IL1RAPL2: variants seen among roughly 807,000 people sequenced by gnomAD.
IL1RAPL2 encodes X-linked interleukin-1 receptor accessory protein-like 2.
Under a neutral mutation model 44.1 loss-of-function variants are expected in IL1RAPL2, and 3 were observed. The observed-to-expected ratio is 0.07, with a 90% CI of 0.03 to 0.18. IL1RAPL2 has a LOEUF of 0.18. IL1RAPL2 is among the 10% of genes least tolerant of loss of function. IL1RAPL2 has a pLI of 1.00. For missense variants in IL1RAPL2, 391 were observed against 496.4 expected, an observed-to-expected ratio of 0.79 and a Z score of 2.02; for synonymous variants, 181 against 178.8, an observed-to-expected ratio of 1.01 and a Z score of -0.10.
intron 5 of IL1RAPL2, among the ~76,000 whole-genome samples, chrX:105,468,059 T>C (rs941847561): frequency 3.6e-5 from 4 of 111,817 alleles, no homozygotes; most frequent in African/African-American, 1.3e-4. Context: ...CCGAAAGATG[T>C]AGAATGGTTG....
chrX:104,642,425 G>C (rs1028574018), intron 1 of IL1RAPL2, among the ~76,000 whole-genome samples: 1 of 111,318 alleles, frequency 9.0e-6, no homozygotes, highest in Non-Finnish European at 1.9e-5. Context: ...TTCAACTTTG[G>C]TAGTGTAAGT....
chrX:104,950,625 T>G (rs1925547591), intron 2 of IL1RAPL2, among the ~76,000 whole-genome samples: 2 of 112,836 alleles, frequency 1.8e-5, no homozygotes, highest in Admixed American at 9.3e-5. Context: ...TGAGCGATAC[T>G]CCGTGGGCGT....
At chrX:104,637,152 T>C (rs1160344906) in intron 1 of IL1RAPL2, among the ~76,000 whole-genome samples, 1 of 110,635 alleles carries the variant, frequency 9.0e-6, no homozygotes, top group East Asian at 2.8e-4. Flanking sequence ...TATAGAAACA[T>C]TGCTGATTTT....
intron 2 of IL1RAPL2, among the ~76,000 whole-genome samples, chrX:104,734,752 A>G (rs1415160921): frequency 1.8e-5 from 2 of 111,656 alleles, no homozygotes; most frequent in African/African-American, 6.5e-5. Context: ...AAATTCATAG[A>G]ACTATATAAC....
chrX:104,606,271 C>G (rs752647379), intron 1 of IL1RAPL2, among the ~76,000 whole-genome samples: 5 of 111,582 alleles, frequency 4.5e-5, no homozygotes, highest in Non-Finnish European at 9.4e-5. Flanking sequence ...ATTCAACACC[C>G]CTTCATGCTA....
At chrX:105,498,138 C>A (rs1414448133) in intron 6 of IL1RAPL2, among the ~76,000 whole-genome samples, 1 of 111,856 alleles carries the variant, frequency 8.9e-6, no homozygotes, top group Non-Finnish European at 1.9e-5. Context: ...ATGGCATAAT[C>A]TTGTAGGTAG....
chrX:104,809,658 T>A (rs1163635868), intron 2 of IL1RAPL2, among the ~76,000 whole-genome samples: 1 of 109,640 alleles, frequency 9.1e-6, no homozygotes, highest in Non-Finnish European at 1.9e-5. Flanking sequence ...GTTGCGAAAA[T>A]TTTCTCCCAT....
intron 2 of IL1RAPL2, among the ~76,000 whole-genome samples, chrX:105,166,902 G>A (rs1305204237): frequency 1.8e-5 from 2 of 112,271 alleles, no homozygotes; most frequent in African/African-American, 3.2e-5. Context: ...GTGGGGAAAA[G>A]CCATCAATTT....
intron 1 of IL1RAPL2, among the ~76,000 whole-genome samples, chrX:104,635,929 G>A (rs776547237): frequency 7.7e-4 from 86 of 111,856 alleles, no homozygotes; most frequent in Non-Finnish European, 1.4e-3. Context: ...CTGATTTTTA[G>A]AGTTTCCAGT....
chrX:104,735,212 C>T (rs1038322531), intron 2 of IL1RAPL2, among the ~76,000 whole-genome samples: 14 of 111,278 alleles, frequency 1.3e-4, no homozygotes, highest in African/African-American at 3.3e-4. Flanking sequence ...TAAGGTGGCT[C>T]TCAATGGAAA....
chrX:105,293,337 A>G (rs1378857926), intron 5 of IL1RAPL2, among the ~76,000 whole-genome samples: 1 of 111,978 alleles, frequency 8.9e-6, no homozygotes, highest in Non-Finnish European at 1.9e-5. Context: ...CATATCAGTA[A>G]TGATAGATAT....
At chrX:105,414,026 T>G (rs1227484561) in intron 5 of IL1RAPL2, among the ~76,000 whole-genome samples, 1 of 112,858 alleles carries the variant, frequency 8.9e-6, no homozygotes, top group African/African-American at 3.2e-5. Flanking sequence ...TGTTTCATGT[T>G]ACTTTTAAAA....
At chrX:104,577,137 GT>G (rs990681144) in intron 1 of IL1RAPL2, among the ~76,000 whole-genome samples, 3 of 111,853 alleles carry the variant, frequency 2.7e-5, no homozygotes, top group Non-Finnish European at 5.6e-5. Flanking sequence ...ATTCCCTAGT[GT>G]TTTGTTCAAA....
chrX:104,764,187 T>C (rs1310592757), intron 2 of IL1RAPL2, among the ~76,000 whole-genome samples: 2 of 95,118 alleles, frequency 2.1e-5, no homozygotes, highest in African/African-American at 7.1e-5. Context: ...TTTTCCAATC[T>C]ATGAACATGG....
intron 4 of IL1RAPL2, among the ~76,000 whole-genome samples, chrX:105,254,819 C>G (rs1430314392): frequency 8.9e-6 from 1 of 111,765 alleles, no homozygotes; most frequent in Non-Finnish European, 1.9e-5. Context: ...GAGTCTTTTC[C>G]CCATTGCTTG....
chrX:105,621,809 G>A (rs1056216601), intron 6 of IL1RAPL2, among the ~76,000 whole-genome samples: 2 of 111,233 alleles, frequency 1.8e-5, no homozygotes, highest in Non-Finnish European at 3.8e-5. Flanking sequence ...TTTCCCCAGA[G>A]AGGAGAAAGC....
rs779926158 is a variant in IL1RAPL2 at position 104,948,877 on chromosome X, C to G, written c.83-246598C>G. ...TCATCAAGGATATTGGTCTCAAATT[C>G]TCTTTTTTGGTTGTGTCTCTGCCTG... On this transcript the variant is annotated intron_variant, in intron 2 of 10. Transcript: ENST00000372582. Among the ~76,000 whole-genome samples the G allele has an allele frequency of 6.0e-4, 66 of 110,051 alleles. No homozygotes were observed. The East Asian group carries it at 6.4e-3, about 11-fold the overall frequency.
At chrX:105,215,453 T>C (rs1484282064) in intron 3 of IL1RAPL2, among the ~76,000 whole-genome samples, 3 of 111,498 alleles carry the variant, frequency 2.7e-5, no homozygotes, top group Non-Finnish European at 5.6e-5. Flanking sequence ...AGTTCTGAAA[T>C]TGAGGCAGTA....
intron 5 of IL1RAPL2, among the ~76,000 whole-genome samples, chrX:105,314,700 G>A (rs1038601480): frequency 8.9e-6 from 1 of 111,899 alleles, no homozygotes; most frequent in East Asian, 2.8e-4. Context: ...AGGTCAGTAA[G>A]CCAATGCAAA....
Sources: gnomAD v4.1 joint callset for allele counts (sites outside exome capture counted in the v4.1 genomes callset) on GRCh38, gnomAD v4.1.1 for gene constraint, MANE v1.5 for transcripts, NCBI Gene and HGNC (gene_info 2026-07-23, HGNC 2026-07-21) for gene names.